Variants in MED13L observed in about 807,000 individuals in gnomAD.
MED13L encodes mediator complex subunit 13L.
MED13L carries 7 observed loss-of-function variants against 220.9 expected under a neutral mutation model. The observed-to-expected ratio is 0.03, with a 90% CI of 0.02 to 0.06. The LOEUF (loss-of-function observed/expected upper bound fraction) is 0.06. Ranked by LOEUF, MED13L falls within the 10% of genes least tolerant of loss-of-function variation. The probability of loss-of-function intolerance (pLI) is 1.00; values close to 1 mark genes in which losing one functional copy is unlikely to be tolerated. For synonymous variants in MED13L, 1,011 were observed against 1,015.2 expected (o/e 1.00, Z 0.08); for missense variants, 1,965 against 2,760.5 (o/e 0.71, Z 6.46).
chr12:116,012,125 TCTAA>T (rs1301020158), intron 9 of MED13L, among the ~76,000 whole-genome samples: 7 of 152,206 alleles, frequency 4.6e-5, no homozygotes, highest in African/African-American at 2.4e-5. Flanking sequence ...CACCACTTCT[TCTAA>T]CTGTCAAATG....
intron 2 of MED13L, among the ~76,000 whole-genome samples, chr12:116,130,978 A>C (rs1040992818): frequency 6.6e-6 from 1 of 152,236 alleles, no homozygotes; most frequent in Non-Finnish European, 1.5e-5. Flanking sequence ...GCTTTGAACA[A>C]TGTATGTTTT....
rs1008607514 is a variant in MED13L, at chr12:116,277,424, T to C, written c.-293A>G. Reference sequence around the variant, plus strand: ...CCGCCGCCGCCGCCGCTGCTGCCGCTGCCGCCGCCTTGTTTATCTCCAGCC... The same window carrying C: ...CCGCCGCCGCCGCCGCTGCTGCCGCCGCCGCCGCCTTGTTTATCTCCAGCC... On this transcript the variant is annotated 5_prime_UTR_variant, in exon 1 of 31. Coordinates refer to ENST00000281928, the MANE Select transcript of MED13L (RefSeq NM_015335.5). 20 of 23,566 alleles carry C rather than the reference T, an allele frequency of 8.5e-4. No homozygotes were observed. Among genetic ancestry groups the C allele is most frequent in the African/African-American group, 5.0e-3 (19 of 3,764 alleles). 1.5% of individuals were successfully genotyped at this position (23,566 alleles called of 1,614,324 possible).
intron 2 of MED13L, among the ~76,000 whole-genome samples, chr12:116,136,398 T>C (rs1381692957): frequency 6.6e-6 from 1 of 152,122 alleles, no homozygotes; most frequent in Non-Finnish European, 1.5e-5. Context: ...CCACACAATC[T>C]CAAGGCTAAT....
chr12:116,245,355 A>G (rs1871010059), intron 1 of MED13L, among the ~76,000 whole-genome samples: 1 of 152,210 alleles, frequency 6.6e-6, no homozygotes. Context: ...GAGCCCACCC[A>G]GATCAGTGAG....
rs1196350233 is a variant in MED13L at position 115,987,155 on chromosome 12, T to A, written c.4068A>T (p.Pro1356=). 4 of 1,613,926 alleles carry A rather than the reference T, an allele frequency of 2.5e-6. No homozygotes were observed. The East Asian group carries it at 8.9e-5, about 36-fold the overall frequency. ...TWENIQHVQG[P]LTWQQFHKMA... The stretch of plus-strand genomic sequence containing the variant: ...TTTTATGGAACTGCTGCCAAGTGAG[T>A]GGTCCCTGCACATGCTGGATGTTCT... Residue 1356 remains proline, a synonymous_variant, in exon 18 of 31, where the codon CCA becomes CCT. Transcript: ENST00000281928.
intron 2 of MED13L, among the ~76,000 whole-genome samples, chr12:116,120,618 T>C (rs1447192166): frequency 6.6e-6 from 1 of 151,290 alleles, no homozygotes; most frequent in African/African-American, 2.4e-5. Context: ...CAAGGTAGAC[T>C]GAGAAGAAAA....
At chr12:116,037,394 T>C (rs1881255559) in intron 4 of MED13L, among the ~76,000 whole-genome samples, 2 of 152,208 alleles carry the variant, frequency 1.3e-5, no homozygotes, top group African/African-American at 4.8e-5. Context: ...ATGTACAAGG[T>C]ATATATGAAA....
Position 115,991,980 on chromosome 12 carries a change from G to A in MED13L, c.2997-23C>T, listed in dbSNP as rs1418172441. On this transcript the variant is annotated intron_variant, in intron 16 of 30. Coordinates refer to ENST00000281928, the MANE Select transcript of MED13L (RefSeq NM_015335.5). The surrounding 1 kb of genome is among the most constrained non-coding windows in gnomAD (Gnocchi z 7.7). ...TTACTACAAAAAGAGAAGGCACCAAGTGAGGAAGGGCAGCATGTCACAGAT... is the reference window on the plus strand; with the variant it reads ...TTACTACAAAAAGAGAAGGCACCAAATGAGGAAGGGCAGCATGTCACAGAT... The A allele has an allele frequency of 6.3e-7, 1 of 1,581,646 alleles. No individual in the cohort carries two copies. The highest frequency in any genetic ancestry group is 2.2e-5 in the East Asian group (1 of 44,634).
At chr12:115,966,467 G>C (rs538816052) in intron 28 of MED13L, among the ~76,000 whole-genome samples, 1 of 152,316 alleles carries the variant, frequency 6.6e-6, no homozygotes, top group South Asian at 2.1e-4. Context: ...AGTAAGTACA[G>C]ATTTATTTGC....
intron 25 of MED13L, 89 bp from the exon 26 acceptor site, chr12:115,972,325 G>C: frequency 6.6e-7 from 1 of 1,506,826 alleles, no homozygotes; most frequent in Admixed American, 1.7e-5. Flanking sequence ...CCCGGTAATT[G>C]AATTTCCAAG....
chr12:116,202,913 C>G (rs1882093339), intron 2 of MED13L, among the ~76,000 whole-genome samples: 1 of 152,154 alleles, frequency 6.6e-6, no homozygotes, highest in Non-Finnish European at 1.5e-5. Flanking sequence ...ATGAAGAATA[C>G]AAGAGAAATC....
At chr12:116,239,739 C>T (rs955039564) in intron 1 of MED13L, among the ~76,000 whole-genome samples, 3 of 152,150 alleles carry the variant, frequency 2.0e-5, no homozygotes, top group Non-Finnish European at 4.4e-5. Context: ...AGTGCTACCA[C>T]GTTACTGTTC....
intron 2 of MED13L, among the ~76,000 whole-genome samples, chr12:116,164,317 T>C (rs1216087753): frequency 6.6e-6 from 1 of 152,124 alleles, no homozygotes; most frequent in Non-Finnish European, 1.5e-5. Context: ...AATTAACTCA[T>C]GAGGTGACCC....
At chr12:116,116,584 A>G (rs1364902184) in intron 2 of MED13L, among the ~76,000 whole-genome samples, 1 of 152,070 alleles carries the variant, frequency 6.6e-6, no homozygotes, top group African/African-American at 2.4e-5. Flanking sequence ...ACAGAACCCA[A>G]GGAGGGGGCT....
At chr12:116,007,863 T>G (rs1469452352) in intron 10 of MED13L, 1 of 537,488 alleles carries the variant, frequency 1.9e-6, no homozygotes, top group African/African-American at 1.9e-5. Context: ...ACAGACTGCC[T>G]AGTTTCAAAT....
At chr12:116,184,751 A>G (rs1204247701) in intron 2 of MED13L, among the ~76,000 whole-genome samples, 1 of 152,220 alleles carries the variant, frequency 6.6e-6, no homozygotes, top group Middle Eastern at 3.2e-3. Flanking sequence ...TCACATATCT[A>G]AAAACCATTA....
At chr12:116,043,009 TTA>T (rs1491067679) in intron 4 of MED13L, among the ~76,000 whole-genome samples, 2 of 151,406 alleles carry the variant, frequency 1.3e-5, no homozygotes, top group Non-Finnish European at 2.9e-5. Flanking sequence ...ACGTAAACTT[TTA>T]ATTTTTTTAT....
chr12:116,154,552 C>T (rs1878284401), intron 2 of MED13L, among the ~76,000 whole-genome samples: 1 of 152,158 alleles, frequency 6.6e-6, no homozygotes, highest in African/African-American at 2.4e-5. Context: ...CTCCAGGAAA[C>T]TCTCTGTTCA....
intron 4 of MED13L, among the ~76,000 whole-genome samples, chr12:116,063,765 A>G (rs1423727252): frequency 1.3e-5 from 2 of 152,184 alleles, no homozygotes; most frequent in Non-Finnish European, 2.9e-5. Flanking sequence ...TCATTATGGT[A>G]CTGTTGTGAT....
Sources: gnomAD v4.1 joint callset for allele counts (sites outside exome capture counted in the v4.1 genomes callset) on GRCh38, gnomAD v4.1.1 for gene constraint, Gnocchi (gnomAD v3.1) non-coding constraint, MANE v1.5 for transcripts, NCBI Gene and HGNC (gene_info 2026-07-23, HGNC 2026-07-21) for gene names.